KCMF1: variants seen among roughly 807,000 people sequenced by gnomAD.
KCMF1 encodes E3 ubiquitin-protein ligase KCMF1.
KCMF1 carries 3 observed loss-of-function variants against 41.1 expected under a neutral mutation model. The observed-to-expected ratio is 0.07, with a 90% CI of 0.03 to 0.19. KCMF1 has a LOEUF of 0.19. KCMF1 is among the 10% of genes least tolerant of loss of function. KCMF1 has a pLI of 1.00. For missense variants in KCMF1, 286 were observed against 488.9 expected (o/e 0.58, Z 3.91); for synonymous variants, 142 against 164.5 (o/e 0.86, Z 1.04).
At chr2:85,008,287 ATAATATATATAATATATAATAT>A (rs1558573347) in intron 1 of KCMF1, among the ~76,000 whole-genome samples, 23 of 97,508 alleles carry the variant, frequency 2.4e-4, no homozygotes, top group African/African-American at 8.6e-4. Context: ...AATATGATAT[ATAATATATATAATATATAATAT>A]GATATATATA....
intron 3 of KCMF1, among the ~76,000 whole-genome samples, chr2:85,039,582 C>T (rs879382438): frequency 3.9e-5 from 6 of 152,084 alleles, no homozygotes; most frequent in Non-Finnish European, 8.8e-5. Flanking sequence ...TATAATGTGT[C>T]CTAACTGGTT....
At chr2:85,045,093 G>A (rs1279572171) in intron 4 of KCMF1, among the ~76,000 whole-genome samples, 1 of 151,902 alleles carries the variant, frequency 6.6e-6, no homozygotes, top group Non-Finnish European at 1.5e-5. Context: ...CCAAAATAAT[G>A]AGCTCAGCTG....
chr2:85,006,253 A>G (rs983545080), intron 1 of KCMF1, among the ~76,000 whole-genome samples: 3 of 126,712 alleles, frequency 2.4e-5, no homozygotes. Context: ...CACTTTCCTT[A>G]TATTGCTTAG....
intron 1 of KCMF1, among the ~76,000 whole-genome samples, chr2:85,004,567 G>C (rs1309567275): frequency 6.6e-6 from 1 of 152,050 alleles, no homozygotes; most frequent in African/African-American, 2.4e-5. Flanking sequence ...TGGGAGGACT[G>C]CAGTATATTC....
Position 85,053,598 on chromosome 2 carries a change from A to G in KCMF1, c.*189A>G. ...CACTTAACTAATTTTTACTTCTAGC[A>G]GGTAAATGTAGGTAGCAGTGCAGGG... On this transcript the variant is annotated 3_prime_UTR_variant, in exon 7 of 7. Coordinates refer to ENST00000409785, the MANE Select transcript of KCMF1 (RefSeq NM_020122.5). 1 of 644,296 alleles carries G rather than the reference A, an allele frequency of 1.6e-6. No homozygotes were observed. Among genetic ancestry groups the G allele is most frequent in the Non-Finnish European group, 2.6e-6 (1 of 384,178 alleles). The allele number at this position is 644,296 out of a possible 1,614,324, so 39.9% of individuals were successfully genotyped here.
intron 6 of KCMF1, 65 bp from the exon 7 acceptor site, chr2:85,053,083 A>C (rs1303268803): frequency 7.6e-6 from 11 of 1,449,592 alleles, no homozygotes; most frequent in Non-Finnish European, 9.3e-6. Flanking sequence ...AGCACTGTAG[A>C]AATTGGCCAT....
intron 1 of KCMF1, among the ~76,000 whole-genome samples, chr2:85,008,370 C>CATATATATTAT (rs1491352581): frequency 1.2e-4 from 1 of 8,480 alleles, no homozygotes; most frequent in African/African-American, 2.0e-4. Context: ...TATTATATAT[C>CATATATATTAT]ATATGATATA....
chr2:85,014,439 A>G (rs1674717261), intron 1 of KCMF1, among the ~76,000 whole-genome samples: 1 of 152,172 alleles, frequency 6.6e-6, no homozygotes, highest in African/African-American at 2.4e-5. Flanking sequence ...CCTTTGGAGC[A>G]AATTACTTAG....
At chr2:85,028,483 CTTTTTTTTTTTTTT>C (rs398042498) in intron 2 of KCMF1, among the ~76,000 whole-genome samples, 1 of 47,236 alleles carries the variant, frequency 2.1e-5, no homozygotes, top group African/African-American at 9.8e-5. Context: ...CTGTGCCTGG[CTTTTTTTTTTTTTT>C]TTTTTTTTTT....
intron 1 of KCMF1, among the ~76,000 whole-genome samples, chr2:84,999,863 G>A (rs1281052600): frequency 6.6e-6 from 1 of 152,054 alleles, no homozygotes; most frequent in African/African-American, 2.4e-5. Context: ...CCTGACAGGA[G>A]ACAAGGAAGT....
intron 3 of KCMF1, among the ~76,000 whole-genome samples, chr2:85,041,761 CT>C (rs76025789): frequency 0.03 from 2,796 of 91,944 alleles, 41 homozygotes; most frequent in African/African-American, 0.082. Flanking sequence ...CATTGCTGGT[CT>C]TTTTTTTTTT....
At chr2:85,026,498 T>TTATTATTATTATTATTA (rs1558580342) in intron 1 of KCMF1, among the ~76,000 whole-genome samples, 1 of 125,532 alleles carries the variant, frequency 8.0e-6, no homozygotes, top group African/African-American at 2.9e-5. Flanking sequence ...TATTATTATT[T>TTATTATTATTATTATTA]TTATTTTTTC....
intron 6 of KCMF1, among the ~76,000 whole-genome samples, chr2:85,051,476 T>C (rs1469320625): frequency 6.6e-6 from 1 of 152,002 alleles, no homozygotes; most frequent in Non-Finnish European, 1.5e-5. Context: ...TCTGTAATTT[T>C]TTTCTGTGCA....
chr2:84,997,862 C>G (rs529789544), intron 1 of KCMF1, among the ~76,000 whole-genome samples: 1 of 150,056 alleles, frequency 6.7e-6, no homozygotes. Context: ...CGTCCGCCTC[C>G]TGGATTCAAG....
intron 1 of KCMF1, among the ~76,000 whole-genome samples, chr2:84,972,494 A>G (rs537489811): frequency 7.5e-4 from 114 of 152,322 alleles, no homozygotes; most frequent in Non-Finnish European, 1.4e-3. Context: ...TTGGATAAAA[A>G]GTGTTAAGAG....
chr2:85,026,496 T>A (rs1675108973), intron 1 of KCMF1, among the ~76,000 whole-genome samples: 1 of 147,746 alleles, frequency 6.8e-6, no homozygotes, highest in South Asian at 2.1e-4. Flanking sequence ...ATTATTATTA[T>A]TTTTATTTTT....
At chr2:85,011,598 A>C (rs1188843843) in intron 1 of KCMF1, among the ~76,000 whole-genome samples, 4 of 152,218 alleles carry the variant, frequency 2.6e-5, no homozygotes, top group African/African-American at 9.6e-5. Context: ...AGCAGGATGC[A>C]ACTAGCTGGT....
At chr2:85,013,990 G>T (rs777638439) in intron 1 of KCMF1, 1 of 152,066 alleles carries the variant, frequency 6.6e-6, no homozygotes, top group African/African-American at 2.4e-5. Context: ...TGATGGGAAG[G>T]CTTTCTAAAC....
chr2:85,001,011 T>A (rs1362319968), intron 1 of KCMF1, among the ~76,000 whole-genome samples: 3 of 150,956 alleles, frequency 2.0e-5, no homozygotes, highest in African/African-American at 7.3e-5. Context: ...CTTTTTTTTG[T>A]AGGGATGGGG....
Sources: gnomAD v4.1 joint callset for allele counts (sites outside exome capture counted in the v4.1 genomes callset) on GRCh38, gnomAD v4.1.1 for gene constraint, MANE v1.5 for transcripts, NCBI Gene and HGNC (gene_info 2026-07-23, HGNC 2026-07-21) for gene names.